Variants in MAP2K5 observed in about 807,000 individuals in gnomAD.
MAP2K5 encodes mitogen-activated protein kinase kinase 5.
A neutral mutation model predicts 83.1 loss-of-function variants in MAP2K5; 49 were observed. The ratio of observed to expected loss-of-function variants is 0.59; its 90% CI spans 0.47 to 0.75. The LOEUF (loss-of-function observed/expected upper bound fraction) is 0.75, where lower values mean the gene tolerates loss of function less well. Among genes scored for constraint, MAP2K5 ranks in the 30% least tolerant of loss-of-function variants. MAP2K5 has a pLI of 0.00. For missense variants in MAP2K5, 457 were observed against 557.5 expected, an observed-to-expected ratio of 0.82 and a Z score of 1.82; for synonymous variants, 202 against 191.8, an observed-to-expected ratio of 1.05 and a Z score of -0.44.
intron 4 of MAP2K5, among the ~76,000 whole-genome samples, chr15:67,584,738 G>A (rs2085252021): frequency 6.8e-6 from 1 of 146,482 alleles, no homozygotes; most frequent in African/African-American, 2.5e-5. Flanking sequence ...GAGTGCAGTG[G>A]CGTGATCTCA....
At position 67,760,306 on chromosome 15, in the gene MAP2K5, A is replaced by G. The variant is rs539544750; in HGVS notation, c.1135-9296A>G. Among the ~76,000 whole-genome samples the G allele has an allele frequency of 3.0e-4, 46 of 152,242 alleles. No individual in the cohort carries two copies. Among genetic ancestry groups the G allele is most frequent in the Non-Finnish European group, 5.9e-4 (40 of 68,032 alleles). Reference sequence around the variant, plus strand: ...AGGGAGGAGTAAGAAAGAAGTGAATACAAAATGTTACAGAAGAAACAAGTT... The same window carrying G: ...AGGGAGGAGTAAGAAAGAAGTGAATGCAAAATGTTACAGAAGAAACAAGTT... On this transcript the variant is annotated intron_variant, in intron 19 of 21. Coordinates refer to ENST00000178640, the MANE Select transcript of MAP2K5 (RefSeq NM_145160.3). This position sits in a 1 kb window ranked among gnomAD's most constrained non-coding sequence, Gnocchi z 4.1.
intron 19 of MAP2K5, among the ~76,000 whole-genome samples, chr15:67,763,771 A>T (rs1281184006): frequency 1.3e-5 from 2 of 152,084 alleles, no homozygotes; most frequent in Non-Finnish European, 2.9e-5. Context: ...TCAGAAACCA[A>T]TTTAGGGTCT....
intron 2 of MAP2K5, among the ~76,000 whole-genome samples, chr15:67,556,476 G>A (rs977250955): frequency 2.6e-5 from 4 of 151,526 alleles, no homozygotes; most frequent in South Asian, 2.1e-4. Flanking sequence ...TGTATGTGTC[G>A]TATTGTGGGT....
chr15:67,706,913 AG>A (rs2088568445), intron 16 of MAP2K5, among the ~76,000 whole-genome samples: 1 of 152,012 alleles, frequency 6.6e-6, no homozygotes, highest in Admixed American at 6.6e-5. Context: ...GAGAAACCCA[AG>A]GTTCTTGTGT....
At chr15:67,692,908 T>G (rs79481569) in intron 14 of MAP2K5, among the ~76,000 whole-genome samples, 4,028 of 152,248 alleles carry the variant, frequency 0.026, 66 homozygotes, top group Non-Finnish European at 0.038. Context: ...AAATTAATAT[T>G]GGGAGCAACA....
At chr15:67,570,122 A>G (rs2084922416) in intron 3 of MAP2K5, among the ~76,000 whole-genome samples, 1 of 152,254 alleles carries the variant, frequency 6.6e-6, no homozygotes, top group African/African-American at 2.4e-5. Context: ...TCCTTCTGCC[A>G]ACACATATTA....
chr15:67,568,601 T>C (rs533856029), intron 3 of MAP2K5, among the ~76,000 whole-genome samples: 1 of 152,340 alleles, frequency 6.6e-6, no homozygotes, highest in Admixed American at 6.5e-5. Context: ...GTTTTTGTTT[T>C]GCTCTCTATT....
intron 11 of MAP2K5, among the ~76,000 whole-genome samples, chr15:67,647,790 A>G (rs1167258860): frequency 1.3e-5 from 2 of 152,070 alleles, no homozygotes; most frequent in Non-Finnish European, 2.9e-5. Context: ...AATTGCTTGA[A>G]CCTGGGAGGT....
At chr15:67,745,569 T>G (rs1347149328) in intron 17 of MAP2K5, among the ~76,000 whole-genome samples, 1 of 152,164 alleles carries the variant, frequency 6.6e-6, no homozygotes, top group Non-Finnish European at 1.5e-5. Flanking sequence ...ATGCCTAATA[T>G]AAATACAGCC....
intron 21 of MAP2K5, among the ~76,000 whole-genome samples, chr15:67,789,135 G>A (rs2090470105): frequency 6.6e-6 from 1 of 152,030 alleles, no homozygotes. Flanking sequence ...TCTGCACCTT[G>A]CTTTTTTACT....
chr15:67,547,306 C>T (rs1348383994), intron 1 of MAP2K5, among the ~76,000 whole-genome samples: 1 of 152,132 alleles, frequency 6.6e-6, no homozygotes, highest in Non-Finnish European at 1.5e-5. Context: ...CTGTAGCCTA[C>T]AGCTTTGTGA....
At chr15:67,670,106 C>T (rs1463917048) in intron 13 of MAP2K5, among the ~76,000 whole-genome samples, 1 of 152,006 alleles carries the variant, frequency 6.6e-6, no homozygotes, top group Non-Finnish European at 1.5e-5. Flanking sequence ...GAATATTACT[C>T]AGCAATAAAA....
chr15:67,560,904 G>GCC (rs533988090), intron 2 of MAP2K5, among the ~76,000 whole-genome samples: 2 of 151,414 alleles, frequency 1.3e-5, no homozygotes, highest in African/African-American at 4.9e-5. Flanking sequence ...TGTAATCGGT[G>GCC]CCCCCCCCTT....
At chr15:67,607,315 A>G (rs2085800410) in intron 8 of MAP2K5, among the ~76,000 whole-genome samples, 1 of 152,234 alleles carries the variant, frequency 6.6e-6, no homozygotes, top group African/African-American at 2.4e-5. Flanking sequence ...GTCAAATAAA[A>G]TTAATTATGT....
At chr15:67,626,605 T>TA (rs2086330307) in intron 8 of MAP2K5, among the ~76,000 whole-genome samples, 1 of 152,100 alleles carries the variant, frequency 6.6e-6, no homozygotes, top group African/African-American at 2.4e-5. Context: ...GTACAAAGTA[T>TA]AAAAAATTAT....
rs1007598431 is a variant in MAP2K5, at chr15:67,708,189, G to GGT, written c.1044+4787_1044+4788dup. 2.0e-5 allele frequency among the ~76,000 whole-genome samples: 3 copies of GGT among 151,968 alleles called. No homozygotes were observed. Among genetic ancestry groups the GGT allele is most frequent in the African/African-American group, 7.3e-5 (3 of 41,362 alleles). On this transcript the variant is annotated intron_variant, in intron 16 of 21. Transcript: ENST00000178640. The surrounding 1 kb of genome is among the most constrained non-coding windows in gnomAD (Gnocchi z 4.9). ...TTTTTTTCATTTAGCCAGGAATGGT[G>GGT]GTGTGTGCCTATAGTCCTTGCTATG...
At chr15:67,776,605 G>C (rs1232850250) in intron 21 of MAP2K5, among the ~76,000 whole-genome samples, 1 of 152,130 alleles carries the variant, frequency 6.6e-6, no homozygotes, top group East Asian at 1.9e-4. Flanking sequence ...CTTAAATTCA[G>C]GGACAAAGAC....
chr15:67,789,240 T>C (rs1217817512), intron 21 of MAP2K5, among the ~76,000 whole-genome samples: 1 of 152,208 alleles, frequency 6.6e-6, no homozygotes, highest in Non-Finnish European at 1.5e-5. Context: ...TCATATTTAT[T>C]TATCCAGGAC....
rs140911653 is a variant in MAP2K5, at chr15:67,595,936, A to G, written c.480+2962A>G. Among the ~76,000 whole-genome samples, 796 of 151,664 alleles carry G rather than the reference A, an allele frequency of 5.2e-3. 9 individuals are homozygous for G. Among genetic ancestry groups the G allele is most frequent in the African/African-American group, 0.018 (750 of 41,324 alleles). On this transcript the variant is annotated intron_variant, in intron 7 of 21. Transcript: ENST00000178640. ...TAAAAAGTGCACAGTTACTCCAAAG[A>G]TATGTGAGTTTGGCCTTTGCATCTC...
Sources: allele counts gnomAD v4.1 joint callset (sites outside exome capture counted in the v4.1 genomes callset), GRCh38; gene constraint gnomAD v4.1.1; non-coding constraint Gnocchi (gnomAD v3.1); transcripts MANE v1.5; gene names NCBI Gene and HGNC (gene_info 2026-07-23, HGNC 2026-07-21).